Variants in SLC5A10 observed in about 807,000 individuals in gnomAD.
SLC5A10 encodes the protein sodium/mannose cotransporter SLC5A10.
A neutral mutation model predicts 68.9 loss-of-function variants in SLC5A10; 55 were observed. That is an observed-to-expected ratio of 0.80 (90% CI 0.64 to 1.00). The LOEUF (loss-of-function observed/expected upper bound fraction) is 1.00, where lower values mean the gene tolerates loss of function less well. Among genes scored for constraint, SLC5A10 ranks in the 50% least tolerant of loss-of-function variants. The pLI is 0.00. For missense variants in SLC5A10, 732 were observed against 819.3 expected (o/e 0.89, Z 1.30); for synonymous variants, 344 against 344.8 (o/e 1.00, Z 0.02).
chr17:18,988,506 A>G (rs2043325758), intron 9 of SLC5A10: 2 of 1,560,532 alleles, frequency 1.3e-6, no homozygotes, highest in Non-Finnish European at 1.7e-6. Context: ...CCATGCCACC[A>G]GCCTCTCACA....
At chr17:18,953,095 C>T (rs143224606) in intron 1 of SLC5A10, among the ~76,000 whole-genome samples, 135 of 151,570 alleles carry the variant, frequency 8.9e-4, no homozygotes, top group African/African-American at 3.3e-3. Flanking sequence ...TCCCTGAGCC[C>T]TGACAGTCTC....
In SLC5A10 at chr17:19,015,203, C is replaced by A; in HGVS notation, c.1241+4C>A. Reference sequence around the variant, plus strand: ...GGGAGCTCCTGCTGGTGGGACGGTACGGGGGTGGGGGCCAGTACGGGGGTG... The same window carrying A: ...GGGAGCTCCTGCTGGTGGGACGGTAAGGGGGTGGGGGCCAGTACGGGGGTG... On this transcript the variant is annotated splice_donor_region_variant and intron_variant, in intron 11 of 14. Transcript: ENST00000395645. 2.9e-6 allele frequency: 1 copy of A among 340,302 alleles called. No individual in the cohort carries two copies. The highest frequency in any genetic ancestry group is 5.2e-6 in the Non-Finnish European group (1 of 193,492). 21.1% of individuals were successfully genotyped at this position (340,302 alleles called of 1,614,324 possible). A position where few individuals can be genotyped will look rare whatever the true frequency, so the allele number is the denominator to read the frequency against.
chr17:18,959,353 T>G lies in SLC5A10; in HGVS notation c.288+114T>G, dbSNP rs141010615. 2,188 of 1,100,940 alleles carry G rather than the reference T, an allele frequency of 2.0e-3. 26 individuals carry two copies. The African/African-American group carries it at 0.03, about 15-fold the overall frequency. 68.2% of individuals were successfully genotyped at this position (1,100,940 alleles called of 1,614,324 possible). A position where few individuals can be genotyped will look rare whatever the true frequency, so the allele number is the denominator to read the frequency against. Reference sequence around the variant, plus strand: ...TGTCAGCCGATGTCCAGGTGGGCTCTGTGCAGTGCTGTTCCTGGGCCAAAT... The same window carrying G: ...TGTCAGCCGATGTCCAGGTGGGCTCGGTGCAGTGCTGTTCCTGGGCCAAAT... On this transcript the variant is annotated intron_variant, in intron 3 of 14. Coordinates refer to ENST00000395645, the MANE Select transcript of SLC5A10 (RefSeq NM_001042450.4).
intron 9 of SLC5A10, among the ~76,000 whole-genome samples, chr17:18,990,598 C>A (rs2043392445): frequency 6.9e-6 from 1 of 145,484 alleles, no homozygotes; most frequent in Non-Finnish European, 1.5e-5. Context: ...GTGCGCCACT[C>A]CCCACATTGC....
chr17:18,990,539 T>C (rs1597873039), intron 9 of SLC5A10, among the ~76,000 whole-genome samples: 1 of 152,230 alleles, frequency 6.6e-6, no homozygotes, highest in East Asian at 1.9e-4. Context: ...AGATGGGGAC[T>C]TGCCCTGGGC....
chr17:18,977,592 C>G lies in SLC5A10; in HGVS notation c.982+603C>G, dbSNP rs1373533533. The G allele has an allele frequency of 3.7e-6, 6 of 1,608,298 alleles. No homozygotes were observed. In the Admixed American group the frequency reaches 5.0e-5, roughly 13 times the overall value. ...CAGGGACCCTGACCCACCTGTGCCTCCTTGTCTGTGGAGCGCTGGGCCTGC... is the reference window on the plus strand; with the variant it reads ...CAGGGACCCTGACCCACCTGTGCCTGCTTGTCTGTGGAGCGCTGGGCCTGC... On this transcript the variant is annotated intron_variant, in intron 9 of 14. Coordinates refer to ENST00000395645, the MANE Select transcript of SLC5A10 (RefSeq NM_001042450.4).
intron 1 of SLC5A10, among the ~76,000 whole-genome samples, chr17:18,955,303 C>T (rs1383932654): frequency 6.6e-6 from 1 of 152,134 alleles, no homozygotes; most frequent in Non-Finnish European, 1.5e-5. Context: ...GCGATTGAGC[C>T]TGAGTTGAAA....
At chr17:18,985,804 C>A (rs1359598671) in intron 9 of SLC5A10, among the ~76,000 whole-genome samples, 1 of 152,190 alleles carries the variant, frequency 6.6e-6, no homozygotes, top group Non-Finnish European at 1.5e-5. Context: ...GCAGGCGGGG[C>A]CAGGGACCTG....
rs551868719 is a variant in SLC5A10 at position 18,971,961 on chromosome 17, G to A, written c.846+743G>A. Reference sequence around the variant, plus strand: ...GGGAATAATCCTGCCCTTTGTGGGTGTAGCAAGGCAGCTTCCTCCCAGCTC... The same window carrying A: ...GGGAATAATCCTGCCCTTTGTGGGTATAGCAAGGCAGCTTCCTCCCAGCTC... On this transcript the variant is annotated intron_variant, in intron 8 of 14. Transcript: ENST00000395645. This position sits in a 1 kb window ranked among gnomAD's most constrained non-coding sequence, Gnocchi z 5.5. Among the ~76,000 whole-genome samples the A allele has an allele frequency of 1.3e-5, 2 of 152,350 alleles. No homozygotes were observed. Among genetic ancestry groups the A allele is most frequent in the South Asian group, 2.1e-4 (1 of 4,832 alleles).
At chr17:19,011,272 G>C (rs540046913) in intron 9 of SLC5A10, among the ~76,000 whole-genome samples, 32 of 152,206 alleles carry the variant, frequency 2.1e-4, no homozygotes, top group Non-Finnish European at 1.8e-4. Flanking sequence ...CTTTGCAATG[G>C]GCCTTGAAGC....
intron 1 of SLC5A10, among the ~76,000 whole-genome samples, chr17:18,954,880 G>A (rs2042461133): frequency 6.6e-6 from 1 of 152,018 alleles, no homozygotes; most frequent in Non-Finnish European, 1.5e-5. Context: ...AGACCAGCCT[G>A]GCCAGCATGG....
rs1480344685 is a variant in SLC5A10, at chr17:19,017,441, C to A, written c.1242-1982C>A. 1 of 1,522,428 alleles carries A rather than the reference C, an allele frequency of 6.6e-7. No individual in the cohort carries two copies. Among genetic ancestry groups the A allele is most frequent in the South Asian group, 1.2e-5 (1 of 83,428 alleles). 94.3% of individuals were successfully genotyped at this position (1,522,428 alleles called of 1,614,324 possible). On this transcript the variant is annotated intron_variant, in intron 11 of 14. Transcript: ENST00000395645. This position sits in a 1 kb window ranked among gnomAD's most constrained non-coding sequence, Gnocchi z 5.6. ...CAGTCTCTGTCAGGGAGAGGCGAGG[C>A]TTACAGAGAGAAGACCAACAGCCCA...
chr17:18,999,728 G>A (rs930870432), intron 9 of SLC5A10, among the ~76,000 whole-genome samples: 5 of 152,258 alleles, frequency 3.3e-5, no homozygotes, highest in Non-Finnish European at 7.3e-5. Context: ...GGGTGAATCA[G>A]GCTTCGTGAA....
intron 5 of SLC5A10, among the ~76,000 whole-genome samples, chr17:18,967,114 G>A (rs183794845): frequency 3.7e-4 from 56 of 152,320 alleles, no homozygotes; most frequent in African/African-American, 1.3e-3. Context: ...AGGAAGGGTC[G>A]GATAGGGCTA....
At chr17:19,019,623 C>G in intron 12 of SLC5A10, 32 bp downstream of exon 12, 1 of 1,606,084 alleles carries the variant, frequency 6.2e-7, no homozygotes. Flanking sequence ...TCCCTGGGGA[C>G]GTGCCACAAT....
At chr17:18,982,714 A>G (rs978695089) in intron 9 of SLC5A10, among the ~76,000 whole-genome samples, 1 of 152,178 alleles carries the variant, frequency 6.6e-6, no homozygotes, top group Non-Finnish European at 1.5e-5. Flanking sequence ...ACATGTGCTT[A>G]AAGGACATGT....
chr17:18,969,456 T>C, intron 7 of SLC5A10, 34 bp downstream of exon 7: 1 of 1,595,456 alleles, frequency 6.3e-7, no homozygotes. Flanking sequence ...GGCGGGGCTG[T>C]CCCCACAGCG....
Position 18,968,993 on chromosome 17 carries a change from G to A in SLC5A10, c.454-59G>A. 1.3e-6 allele frequency: 2 copies of A among 1,539,042 alleles called. No homozygotes were observed. Among genetic ancestry groups the A allele is most frequent in the Admixed American group, 3.7e-5 (2 of 53,914 alleles). ...AGGGCCTTGCCCGAGGTCACCCAGGGAGTGGCTTGCTGGAGCCCTGGGAAT... is the reference window on the plus strand; with the variant it reads ...AGGGCCTTGCCCGAGGTCACCCAGGAAGTGGCTTGCTGGAGCCCTGGGAAT... On this transcript the variant is annotated intron_variant, in intron 5 of 14. Coordinates refer to ENST00000395645, the MANE Select transcript of SLC5A10 (RefSeq NM_001042450.4). This position sits in a 1 kb window ranked among gnomAD's most constrained non-coding sequence, Gnocchi z 4.1.
chr17:18,974,901 A>G (rs1279029253), intron 8 of SLC5A10, among the ~76,000 whole-genome samples: 1 of 152,108 alleles, frequency 6.6e-6, no homozygotes, highest in African/African-American at 2.4e-5. Flanking sequence ...GCCTGCTGAC[A>G]TCTGAGTTGG....
Sources: gnomAD v4.1 joint callset for allele counts (sites outside exome capture counted in the v4.1 genomes callset) on GRCh38, gnomAD v4.1.1 for gene constraint, Gnocchi (gnomAD v3.1) non-coding constraint, MANE v1.5 for transcripts, NCBI Gene and HGNC (gene_info 2026-07-23, HGNC 2026-07-21) for gene names.